Variants in CSMD1 observed in about 807,000 individuals in gnomAD.
CSMD1 encodes CUB and sushi domain-containing protein 1.
Under a neutral mutation model 417.5 loss-of-function variants are expected in CSMD1, and 213 were observed. The ratio of observed to expected loss-of-function variants is 0.51; its 90% CI spans 0.46 to 0.57. CSMD1 has a LOEUF of 0.57. Ranked by LOEUF, CSMD1 falls within the 20% of genes least tolerant of loss-of-function variation. The pLI, the probability that CSMD1 is intolerant of heterozygous loss-of-function variation, is 0.00. For synonymous variants in CSMD1, 2,862 were observed against 1,736.8 expected, an observed-to-expected ratio of 1.65 and a Z score of -16.11; for missense variants, 6,923 against 4,529.7, an observed-to-expected ratio of 1.53 and a Z score of -15.17.
intron 29 of CSMD1, among the ~76,000 whole-genome samples, chr8:3,217,777 A>T (rs112394446): frequency 1.3e-5 from 2 of 152,180 alleles, no homozygotes; most frequent in Admixed American, 1.3e-4. Context: ...GTTTGGGAGC[A>T]AAGAAACCAA....
chr8:4,628,070 G>A (rs973602162), intron 2 of CSMD1, among the ~76,000 whole-genome samples: 3 of 151,522 alleles, frequency 2.0e-5, no homozygotes, highest in African/African-American at 7.3e-5. Context: ...AAGGCTGATA[G>A]AAGCATATAC....
At chr8:3,467,581 C>A (rs1395388464) in intron 12 of CSMD1, among the ~76,000 whole-genome samples, 3 of 152,072 alleles carry the variant, frequency 2.0e-5, no homozygotes, top group African/African-American at 4.8e-5. Context: ...TCATTAAGTC[C>A]CCAACACACC....
chr8:4,368,587 G>C (rs1029556908), intron 3 of CSMD1, among the ~76,000 whole-genome samples: 2 of 152,092 alleles, frequency 1.3e-5, no homozygotes, highest in Non-Finnish European at 2.9e-5. Context: ...ATTCGGCTTT[G>C]AATACATTTG....
chr8:3,307,664 C>T (rs768591772), intron 25 of CSMD1, 31 bp downstream of exon 25: 2 of 1,606,730 alleles, frequency 1.2e-6, no homozygotes, highest in South Asian at 1.1e-5. Context: ...TCTCTTTTCT[C>T]AAATCACTGA....
intron 11 of CSMD1, among the ~76,000 whole-genome samples, chr8:3,491,796 C>T (rs991310273): frequency 2.0e-5 from 3 of 152,182 alleles, no homozygotes; most frequent in African/African-American, 7.2e-5. Context: ...CTACCCGGGG[C>T]AAGATTCCTC....
intron 1 of CSMD1, among the ~76,000 whole-genome samples, chr8:4,910,039 G>A (rs545635657): frequency 6.6e-6 from 1 of 152,318 alleles, no homozygotes; most frequent in African/African-American, 2.4e-5. Context: ...CCAATAGCAT[G>A]TCAGATTCTT....
At chr8:3,306,648 A>T (rs747117059) in intron 25 of CSMD1, among the ~76,000 whole-genome samples, 1 of 149,398 alleles carries the variant, frequency 6.7e-6, no homozygotes, top group African/African-American at 2.6e-5. Context: ...CAGAAAATTA[A>T]TAACAACAAT....
intron 11 of CSMD1, among the ~76,000 whole-genome samples, chr8:3,482,458 C>A (rs1356160671): frequency 6.6e-6 from 1 of 152,064 alleles, no homozygotes; most frequent in Non-Finnish European, 1.5e-5. Flanking sequence ...AGGATTGACC[C>A]ACCAGAAATA....
chr8:4,468,232 G>A (rs1174166235), intron 2 of CSMD1, among the ~76,000 whole-genome samples: 1 of 152,196 alleles, frequency 6.6e-6, no homozygotes, highest in African/African-American at 2.4e-5. Context: ...CCTGGGGAAA[G>A]GAAGGAGAGC....
chr8:4,341,377 T>G (rs534881232), intron 3 of CSMD1, among the ~76,000 whole-genome samples: 1 of 152,222 alleles, frequency 6.6e-6, no homozygotes, highest in African/African-American at 2.4e-5. Context: ...TCGCAGGAAA[T>G]AATTTAGTAC....
chr8:4,090,531 A>G (rs749150148), intron 3 of CSMD1, among the ~76,000 whole-genome samples: 20 of 152,206 alleles, frequency 1.3e-4, no homozygotes, highest in Non-Finnish European at 2.6e-4. Flanking sequence ...ACACCTCTTC[A>G]TGTCTTGGAT....
chr8:4,946,049 G>A (rs1393073623), intron 1 of CSMD1, among the ~76,000 whole-genome samples: 1 of 152,096 alleles, frequency 6.6e-6, no homozygotes, highest in Admixed American at 6.5e-5. Flanking sequence ...CGTCTGCTGT[G>A]GTCCTTCAGC....
intron 1 of CSMD1, among the ~76,000 whole-genome samples, chr8:4,640,862 TAAAAA>T (rs58055126): frequency 1.8e-4 from 23 of 129,712 alleles, no homozygotes; most frequent in African/African-American, 4.1e-4. Flanking sequence ...TAATTATTGC[TAAAAA>T]AAAAAAAAAA....
chr8:4,271,426 G>C (rs551590776), intron 3 of CSMD1, among the ~76,000 whole-genome samples: 3 of 152,124 alleles, frequency 2.0e-5, no homozygotes, highest in Non-Finnish European at 2.9e-5. Context: ...TTGAAATGTT[G>C]TAGGAGACTC....
intron 3 of CSMD1, among the ~76,000 whole-genome samples, chr8:4,294,504 T>A (rs760551781): frequency 1.3e-5 from 2 of 152,152 alleles, no homozygotes; most frequent in African/African-American, 2.4e-5. Context: ...CTCAGGATAA[T>A]GCCATGAGTT....
intron 49 of CSMD1, among the ~76,000 whole-genome samples, chr8:3,054,399 C>T (rs1418011019): frequency 6.6e-6 from 1 of 152,162 alleles, no homozygotes; most frequent in African/African-American, 2.4e-5. Context: ...GGGAGGATTG[C>T]TTGAGTCCAG....
At chr8:3,069,289 G>C (rs904285778) in intron 49 of CSMD1, among the ~76,000 whole-genome samples, 2 of 151,978 alleles carry the variant, frequency 1.3e-5, no homozygotes, top group African/African-American at 4.8e-5. Flanking sequence ...ACAAAAATTA[G>C]CTGGGTGTGG....
At chr8:4,209,046 G>A (rs1392845833) in intron 3 of CSMD1, among the ~76,000 whole-genome samples, 1 of 152,134 alleles carries the variant, frequency 6.6e-6, no homozygotes, top group Admixed American at 6.5e-5. Context: ...TCCTGTCTCT[G>A]ACTTCTTGCT....
chr8:4,155,703 C>G (rs950465838), intron 3 of CSMD1, among the ~76,000 whole-genome samples: 1 of 152,100 alleles, frequency 6.6e-6, no homozygotes, highest in Admixed American at 6.5e-5. Flanking sequence ...CAACAGTGTT[C>G]TACTTCGTCA....
Sources: gnomAD v4.1 joint callset for allele counts (sites outside exome capture counted in the v4.1 genomes callset) on GRCh38, gnomAD v4.1.1 for gene constraint, MANE v1.5 for transcripts, NCBI Gene and HGNC (gene_info 2026-07-23, HGNC 2026-07-21) for gene names.